Variants in IFFO1 observed in about 807,000 individuals in gnomAD.
IFFO1 encodes non-homologous end joining factor IFFO1.
A neutral mutation model predicts 59.6 loss-of-function variants in IFFO1; 42 were observed. That is an observed-to-expected ratio of 0.70 (90% CI 0.55 to 0.91). The LOEUF (loss-of-function observed/expected upper bound fraction) is 0.91, where lower values mean the gene tolerates loss of function less well. IFFO1 is among the 40% of genes least tolerant of loss of function. The pLI is 0.00. For missense variants in IFFO1, 711 were observed against 793.2 expected, an observed-to-expected ratio of 0.90 and a Z score of 1.24; for synonymous variants, 336 against 342.8, an observed-to-expected ratio of 0.98 and a Z score of 0.22.
rs1947390202 is a variant in IFFO1, at chr12:6,555,353, C to T, written c.677G>A (p.Gly226Glu). The T allele has an allele frequency of 6.2e-7, 1 of 1,614,092 alleles. No homozygotes were observed. The highest frequency in any genetic ancestry group is 1.3e-5 in the African/African-American group (1 of 74,932). Residue 226 changes from glycine (G) to glutamate (E), a missense_variant, in exon 1 of 10, where the codon GGG (glycine) becomes GAG (glutamate). Coordinates refer to ENST00000619571, the MANE Select transcript of IFFO1 (RefSeq NM_001193457.2). This position sits in a 1 kb window ranked among gnomAD's most constrained non-coding sequence, Gnocchi z 8.6. ...GPGLSWVHPD[G>E]VGVQIDTITP... Reference sequence around the variant, plus strand: ...GATGGTGTCGATCTGGACGCCCACCCCATCCGGGTGCACCCACGACAAGCC... The same window carrying T: ...GATGGTGTCGATCTGGACGCCCACCTCATCCGGGTGCACCCACGACAAGCC...
At chr12:6,550,307 G>A (rs1024867582) in intron 3 of IFFO1, 1 of 356,310 alleles carries the variant, frequency 2.8e-6, no homozygotes, top group African/African-American at 2.0e-5. Context: ...ACTGCATGCT[G>A]GGCACTGTCC....
intron 8 of IFFO1, 92 bp downstream of exon 8, chr12:6,547,973 G>T: frequency 1.1e-6 from 1 of 920,002 alleles, no homozygotes. Context: ...TTGGTCTCTA[G>T]GGTCCTGCAG....
downstream of IFFO1, chr12:6,539,132 C>T (rs1426572324): frequency 6.6e-6 from 1 of 152,276 alleles, no homozygotes; most frequent in African/African-American, 2.4e-5. Context: ...CCGGGCCTCA[C>T]TTTGCACGTG....
chr12:6,551,258 G>A (rs1296021903), intron 1 of IFFO1: 2 of 612,286 alleles, frequency 3.3e-6, no homozygotes, highest in Non-Finnish European at 5.5e-6. Flanking sequence ...CAGGAGCTCT[G>A]TTTGGGCAAG....
At chr12:6,550,443 C>A in intron 3 of IFFO1, 1 of 550,494 alleles carries the variant, frequency 1.8e-6, no homozygotes, top group Non-Finnish European at 3.3e-6. Flanking sequence ...GAGCCTCCAC[C>A]CCAGAAGCTG....
rs753375329 is a variant in IFFO1 at position 6,549,479 on chromosome 12, C to G, written c.1077G>C (p.Lys359Asn). Reference protein sequence around the residue: ...CEDMIQMFQKKLSLHLSPIKV... With the variant: ...CEDMIQMFQKNLSLHLSPIKV... ...GCTTGCGTGAGATCAAACTAACCAG[C>G]TTCTTCTGTGGAGGAAGCAAGAGAG... Residue 359 changes from lysine (K) to asparagine (N), a missense_variant, in exon 5 of 10, where the codon AAG becomes AAC. Lys to Asn is a moderately conservative substitution (Grantham distance 94). This residue lies in a region of IFFO1 where 579 missense variants were observed against 650.3 expected (regional missense o/e 0.89). Coordinates refer to ENST00000619571, the MANE Select transcript of IFFO1 (RefSeq NM_001193457.2). The surrounding 1 kb of genome is among the most constrained non-coding windows in gnomAD (Gnocchi z 5.0). The G allele has an allele frequency of 2.5e-6, 4 of 1,613,372 alleles. No individual in the cohort carries two copies. Among genetic ancestry groups the G allele is most frequent in the East Asian group, 2.2e-5 (1 of 44,888 alleles).
Position 6,555,850 on chromosome 12 carries a change from C to G in IFFO1, c.180G>C (p.Pro60=). ...AYSPPGPGPA[P]PAAMALRNDL... ...CATTGCGGAGGGCCATGGCGGCAGG[C>G]GGGGCCGGGCCCGGCCCGGGCGGCG... Residue 60 remains proline (P), a synonymous_variant, in exon 1 of 10, where the codon CCG becomes CCC. Transcript: ENST00000619571. The surrounding 1 kb of genome is among the most constrained non-coding windows in gnomAD (Gnocchi z 8.6). The G allele has an allele frequency of 6.2e-7, 1 of 1,608,018 alleles. No homozygotes were observed. Among genetic ancestry groups the G allele is most frequent in the Non-Finnish European group, 8.5e-7 (1 of 1,178,162 alleles).
intron 1 of IFFO1, among the ~76,000 whole-genome samples, chr12:6,554,203 C>T (rs1947344410): frequency 6.6e-6 from 1 of 152,166 alleles, no homozygotes; most frequent in African/African-American, 2.4e-5. Context: ...CCAATCCTCA[C>T]CCAGTGCTGA....
At position 6,549,125 on chromosome 12, in the gene IFFO1, A is replaced by AT; in HGVS notation, c.1081-277dup. The AT allele has an allele frequency of 1.9e-6, 1 of 531,594 alleles. No homozygotes were observed. Among genetic ancestry groups the AT allele is most frequent in the Non-Finnish European group, 3.3e-6 (1 of 302,132 alleles). 32.9% of individuals were successfully genotyped at this position (531,594 alleles called of 1,614,324 possible). A position where few individuals can be genotyped will look rare whatever the true frequency, so the allele number is the denominator to read the frequency against. ...AAGGGCTCGCTGGGGCTGCAGTCAGATGTGCATGATGGCTCAAGAGGAAAT... is the reference window on the plus strand; with the variant it reads ...AAGGGCTCGCTGGGGCTGCAGTCAGATTGTGCATGATGGCTCAAGAGGAAAT... On this transcript the variant is annotated intron_variant, in intron 5 of 9. Coordinates refer to ENST00000619571, the MANE Select transcript of IFFO1 (RefSeq NM_001193457.2). The surrounding 1 kb of genome is among the most constrained non-coding windows in gnomAD (Gnocchi z 5.0).
chr12:6,549,694 C>T lies in IFFO1; in HGVS notation c.1071+62G>A, dbSNP rs2286725. On this transcript the variant is annotated intron_variant, in intron 4 of 9. Transcript: ENST00000619571. This position sits in a 1 kb window ranked among gnomAD's most constrained non-coding sequence, Gnocchi z 5.0. ...GGCAGGGCCTGCGTTCCAGGCCAGC[C>T]GCCACGGAAGCATCCACCTGCCCCA... 0.03 allele frequency: 46,617 copies of T among 1,571,008 alleles called. 2,986 individuals carry two copies. In the East Asian group the frequency reaches 0.31, roughly 10 times the overall value.
At chr12:6,539,239 G>A (rs1392514025), downstream of IFFO1, 1 of 152,316 alleles carries the variant, frequency 6.6e-6, no homozygotes, top group Non-Finnish European at 1.5e-5. Flanking sequence ...ATCACCTGAG[G>A]TCAGGAGTTT....
rs1376422404 is a variant in IFFO1, at chr12:6,555,258, T to C, written c.772A>G (p.Arg258Gly). The change falls in exon 1 of 10, where the codon AGG (arginine) becomes GGG (glycine). Residue 258 changes from arginine to glycine, a missense_variant and splice_region_variant. By Grantham distance (125) the Arg-to-Gly change is moderately radical. Around this residue, in one of 3 missense-constraint regions of IFFO1, gnomAD observed 579 missense variants for 650.3 expected, o/e 0.89. Coordinates refer to ENST00000619571, the MANE Select transcript of IFFO1 (RefSeq NM_001193457.2). The surrounding 1 kb of genome is among the most constrained non-coding windows in gnomAD (Gnocchi z 8.6). Reference protein sequence around the residue: ...VKRERDEYKRRWEEEYTVRIQ... With the variant: ...VKRERDEYKRGWEEEYTVRIQ... The stretch of plus-strand genomic sequence containing the variant: ...CTGTCCCCCTTTCCCAATCCCTACC[T>C]CCGCTTGTACTCGTCCCGCTCCCGC... The C allele has an allele frequency of 6.2e-7, 1 of 1,613,940 alleles. No individual in the cohort carries two copies. The highest frequency in any genetic ancestry group is 1.7e-5 in the Admixed American group (1 of 60,002).
In IFFO1 at chr12:6,555,912, G is replaced by C. The variant is rs770633462; in HGVS notation, c.118C>G (p.Pro40Ala). The change falls in exon 1 of 10, where the codon CCG becomes GCG. Residue 40 changes from proline (P) to alanine (A), a missense_variant. Physicochemically the swap from Pro to Ala is conservative, Grantham distance 27 (BLOSUM62 -1). This residue lies in a region of IFFO1 where 114 missense variants were observed against 102.4 expected (regional missense o/e 1.11). Transcript: ENST00000619571. This position sits in a 1 kb window ranked among gnomAD's most constrained non-coding sequence, Gnocchi z 8.6. ...GGGCCGGCCGGCGAGAGAGGCGCCG[G>C]GGGCAAGTCTCCTCCCCCGGCGAAG... ...DHFAGGGDLP[P>A]APLSPAGPAA... The C allele has an allele frequency of 1.3e-6, 2 of 1,553,124 alleles. No individual in the cohort carries two copies. Among genetic ancestry groups the C allele is most frequent in the East Asian group, 2.4e-5 (1 of 42,226 alleles).
intron 8 of IFFO1, among the ~76,000 whole-genome samples, chr12:6,543,156 G>T (rs928951886): frequency 6.6e-6 from 1 of 152,154 alleles, no homozygotes; most frequent in African/African-American, 2.4e-5. Context: ...TCTGGGCCTT[G>T]GCTTTACCTT....
intron 1 of IFFO1, among the ~76,000 whole-genome samples, chr12:6,554,921 T>C (rs1363580655): frequency 6.6e-6 from 1 of 152,202 alleles, no homozygotes; most frequent in Non-Finnish European, 1.5e-5. Context: ...TTTATATCCC[T>C]AACCTGCCCC....
intron 8 of IFFO1, among the ~76,000 whole-genome samples, chr12:6,546,426 T>C (rs1946966199): frequency 6.6e-6 from 1 of 152,152 alleles, no homozygotes; most frequent in Non-Finnish European, 1.5e-5. Flanking sequence ...GGGGGTCCCG[T>C]CCATCCCTCC....
At chr12:6,550,872 G>GGCA in intron 2 of IFFO1, 69 bp downstream of exon 2, 1 of 1,601,892 alleles carries the variant, frequency 6.2e-7, no homozygotes, top group South Asian at 1.1e-5. Context: ...ACAGGGAGAC[G>GGCA]GCAGCAGGGT....
rs369173025 is a variant in IFFO1, at chr12:6,549,564, C to T, written c.1072-80G>A. 4.3e-5 allele frequency: 58 copies of T among 1,358,920 alleles called. No homozygotes were observed. Among genetic ancestry groups the T allele is most frequent in the Middle Eastern group, 1.8e-4 (1 of 5,516 alleles). The allele number at this position is 1,358,920 out of a possible 1,614,324, so 84.2% of individuals were successfully genotyped here. A position where few individuals can be genotyped will look rare whatever the true frequency, so the allele number is the denominator to read the frequency against. On this transcript the variant is annotated intron_variant, in intron 4 of 9. Transcript: ENST00000619571. This position sits in a 1 kb window ranked among gnomAD's most constrained non-coding sequence, Gnocchi z 5.0. Reference sequence around the variant, plus strand: ...AGGAGAGAGAGGGGGAAGGGAGAGACGGCGTTAGAGACAGCTTCCACGATG... The same window carrying T: ...AGGAGAGAGAGGGGGAAGGGAGAGATGGCGTTAGAGACAGCTTCCACGATG...
In IFFO1 at chr12:6,555,849, G is replaced by GCGGGGC. The variant is rs771863114; in HGVS notation, c.175_180dup (p.Ala59_Pro60dup). 4.4e-5 allele frequency: 71 copies of GCGGGGC among 1,609,282 alleles called. 2 individuals are homozygous for GCGGGGC. The African/African-American group carries it at 6.0e-4, about 14-fold the overall frequency. On this transcript the variant is annotated inframe_insertion, in exon 1 of 10. Coordinates refer to ENST00000619571, the MANE Select transcript of IFFO1 (RefSeq NM_001193457.2). This position sits in a 1 kb window ranked among gnomAD's most constrained non-coding sequence, Gnocchi z 8.6. ...TCATTGCGGAGGGCCATGGCGGCAGGCGGGGCCGGGCCCGGCCCGGGCGGC... is the reference window on the plus strand; with the variant it reads ...TCATTGCGGAGGGCCATGGCGGCAGGCGGGGCCGGGGCCGGGCCCGGCCCGGGCGGC...
Sources: allele counts gnomAD v4.1 joint callset (sites outside exome capture counted in the v4.1 genomes callset), GRCh38; gene constraint gnomAD v4.1.1; regional missense constraint gnomAD v4.1.1; non-coding constraint Gnocchi (gnomAD v3.1); transcripts MANE v1.5; gene names NCBI Gene and HGNC (gene_info 2026-07-23, HGNC 2026-07-21).